Variants in CHL1 observed in about 807,000 individuals in gnomAD.
The protein encoded by CHL1 is neural cell adhesion molecule L1-like protein.
In CHL1, 96 loss-of-function variants were observed where a neutral mutation model predicts 141.9. The ratio of observed to expected loss-of-function variants is 0.68; its 90% CI spans 0.57 to 0.80. CHL1 has a LOEUF of 0.80. Ranked by LOEUF, CHL1 falls within the 30% of genes least tolerant of loss-of-function variation. The pLI, the probability that CHL1 is intolerant of heterozygous loss-of-function variation, is 0.00. For synonymous variants in CHL1, 613 were observed against 502.2 expected, an observed-to-expected ratio of 1.22 and a Z score of -2.95; for missense variants, 1,820 against 1,457.2, an observed-to-expected ratio of 1.25 and a Z score of -4.05.
chr3:269,185 G>A (rs2125236077), intron 2 of CHL1, among the ~76,000 whole-genome samples: 1 of 152,296 alleles, frequency 6.6e-6, no homozygotes, highest in South Asian at 2.1e-4. Flanking sequence ...AGGCAGGAAG[G>A]AGGAGAGTAG....
intron 5 of CHL1, among the ~76,000 whole-genome samples, chr3:337,206 T>TG (rs1701943435): frequency 6.8e-6 from 1 of 147,648 alleles, no homozygotes; most frequent in African/African-American, 2.5e-5. Context: ...TTTTTTTTTT[T>TG]TTGAGACGGG....
In CHL1 at chr3:344,675, G is replaced by A. The variant is rs776135822; in HGVS notation, c.814G>A (p.Glu272Lys). The A allele has an allele frequency of 1.2e-6, 2 of 1,613,652 alleles. No homozygotes were observed. The highest frequency in any genetic ancestry group is 1.7e-6 in the Non-Finnish European group (2 of 1,179,840). ...GTCTTCAATTACCATCCTCAAAGGG[G>A]AAATCTTGCTGCTTGAGTGTTTTGC... ...SESSITILKG[E>K]ILLLECFAEG... Residue 272 changes from glutamate (E) to lysine (K), a missense_variant, in exon 9 of 28, where the codon GAA becomes AAA. By Grantham distance (56) the Glu-to-Lys change is moderately conservative. Transcript: ENST00000256509.
intron 9 of CHL1, among the ~76,000 whole-genome samples, chr3:346,336 C>G (rs1229270310): frequency 6.6e-6 from 1 of 152,162 alleles, no homozygotes; most frequent in Non-Finnish European, 1.5e-5. Context: ...AGAGGAAAGT[C>G]TCATATTGAG....
At chr3:391,834 G>A (rs748111108) in intron 23 of CHL1, 37 bp downstream of exon 23, 4 of 1,525,206 alleles carry the variant, frequency 2.6e-6, no homozygotes, top group Non-Finnish European at 2.7e-6. Context: ...ACTTGTTAAT[G>A]TTTCATTTTT....
intron 1 of CHL1, among the ~76,000 whole-genome samples, chr3:223,697 A>C (rs1701069477): frequency 6.6e-6 from 1 of 152,202 alleles, no homozygotes; most frequent in Admixed American, 6.5e-5. Context: ...TAATAATTGC[A>C]GGCCCAGTGA....
intron 25 of CHL1, among the ~76,000 whole-genome samples, 180 bp from the exon 26 acceptor site, chr3:398,837 A>G (rs73105068): frequency 0.018 from 2,807 of 152,300 alleles, 80 homozygotes; most frequent in African/African-American, 0.064. Context: ...TAAATAAAGA[A>G]GGAAAGATTT....
At chr3:274,472 C>A (rs1695910482) in intron 2 of CHL1, among the ~76,000 whole-genome samples, 1 of 152,206 alleles carries the variant, frequency 6.6e-6, no homozygotes, top group East Asian at 1.9e-4. Flanking sequence ...AATACATATA[C>A]CCACTGTTCA....
Position 259,807 on chromosome 3 carries a change from A to T in CHL1, c.-95+15115A>T, listed in dbSNP as rs376142245. On this transcript the variant is annotated intron_variant, in intron 2 of 27. Transcript: ENST00000256509. ...ACTTGGGATGTGATTGCATATTCAG[A>T]TTTTTGGGTCCCAAGCTGGGCCTAC... Among the ~76,000 whole-genome samples the T allele has an allele frequency of 2.0e-4, 30 of 152,208 alleles. No homozygotes were observed. The East Asian group carries it at 5.2e-3, about 26-fold the overall frequency.
At chr3:215,825 G>A (rs963264595) in intron 1 of CHL1, among the ~76,000 whole-genome samples, 7 of 152,070 alleles carry the variant, frequency 4.6e-5, no homozygotes, top group African/African-American at 1.7e-4. Context: ...TGACTTTTGG[G>A]AAAGATACAT....
chr3:302,364 A>C (rs1364872540), intron 2 of CHL1, among the ~76,000 whole-genome samples: 1 of 152,332 alleles, frequency 6.6e-6, no homozygotes, highest in East Asian at 1.9e-4. Flanking sequence ...TCCCACCAAC[A>C]GTGTAAAAGC....
chr3:363,580 C>CCTG, intron 14 of CHL1, 197 bp downstream of exon 14: 1 of 474,826 alleles, frequency 2.1e-6, no homozygotes, highest in Non-Finnish European at 3.7e-6. Flanking sequence ...ATGTGCACAG[C>CCTG]TTCATCCTAT....
intron 2 of CHL1, among the ~76,000 whole-genome samples, chr3:294,760 G>A (rs1698029995): frequency 6.6e-6 from 1 of 152,168 alleles, no homozygotes; most frequent in South Asian, 2.1e-4. Flanking sequence ...TCCCAGGGTA[G>A]AATACCTCTT....
chr3:319,615 G>T (rs955541026), intron 2 of CHL1, 68 bp from the exon 3 acceptor site: 4 of 475,522 alleles, frequency 8.4e-6, no homozygotes, highest in Non-Finnish European at 1.1e-5. Context: ...AAAAAAGAAG[G>T]TATTTAATTT....
intron 12 of CHL1, among the ~76,000 whole-genome samples, chr3:360,658 T>C (rs910518165): frequency 1.3e-5 from 2 of 151,114 alleles, no homozygotes; most frequent in Admixed American, 6.6e-5. Flanking sequence ...GTTACATATG[T>C]ATACATGTGC....
At chr3:321,713 G>T (rs1355337117) in intron 3 of CHL1, among the ~76,000 whole-genome samples, 1 of 151,910 alleles carries the variant, frequency 6.6e-6, no homozygotes, top group East Asian at 1.9e-4. Context: ...CATGCTGTAA[G>T]GTCCTTAGAC....
Position 340,891 on chromosome 3 carries a change from T to G in CHL1, c.483T>G (p.Pro161=). The change falls in exon 6 of 28, where the codon CCT becomes CCG. Residue 161 remains proline (P), a synonymous_variant. Coordinates refer to ENST00000256509, the MANE Select transcript of CHL1 (RefSeq NM_006614.4). ...GCAATCCTCCCAAAGGCCTCCCACC[T>G]TTACACATTTATTGGATGAATATTG... ...LPCNPPKGLP[P]LHIYWMNIEL... 1 of 1,612,876 alleles carries G rather than the reference T, an allele frequency of 6.2e-7. No individual in the cohort carries two copies. Among genetic ancestry groups the G allele is most frequent in the African/African-American group, 1.3e-5 (1 of 75,006 alleles).
intron 2 of CHL1, among the ~76,000 whole-genome samples, chr3:271,177 AG>A (rs942508197): frequency 2.6e-5 from 4 of 152,136 alleles, no homozygotes; most frequent in African/African-American, 9.7e-5. Context: ...GATTGTGGGG[AG>A]GGGGAAGGAA....
At chr3:315,261 G>A (rs955535359) in intron 2 of CHL1, among the ~76,000 whole-genome samples, 1 of 152,140 alleles carries the variant, frequency 6.6e-6, no homozygotes, top group Non-Finnish European at 1.5e-5. Flanking sequence ...AGCTGAGTGA[G>A]CAGGCTGGGT....
chr3:314,608 A>T (rs1700025443), intron 2 of CHL1, among the ~76,000 whole-genome samples: 1 of 151,578 alleles, frequency 6.6e-6, no homozygotes, highest in South Asian at 2.1e-4. Context: ...GGGCAGTCTC[A>T]TCTAGGATGG....
Sources: allele counts gnomAD v4.1 joint callset (sites outside exome capture counted in the v4.1 genomes callset), GRCh38; gene constraint gnomAD v4.1.1; transcripts MANE v1.5; gene names NCBI Gene and HGNC (gene_info 2026-07-23, HGNC 2026-07-21).